The following PNPLA7 variants were observed in gnomAD, a reference collection of about 807,000 sequenced individuals.
The protein encoded by PNPLA7 is patatin like domain 7, lysophospholipase.
PNPLA7 carries 153 observed loss-of-function variants against 161.7 expected under a neutral mutation model. The observed-to-expected ratio is 0.95, with a 90% CI of 0.83 to 1.08. The LOEUF (loss-of-function observed/expected upper bound fraction) is 1.08, where lower values mean the gene tolerates loss of function less well. PNPLA7 is among the 50% of genes least tolerant of loss of function. The pLI is 0.00. For missense variants in PNPLA7, 1,739 were observed against 1,856.6 expected, an observed-to-expected ratio of 0.94 and a Z score of 1.16; for synonymous variants, 809 against 782.1, an observed-to-expected ratio of 1.03 and a Z score of -0.57.
chr9:137,549,668 G>C (rs1013587882), intron 1 of PNPLA7, among the ~76,000 whole-genome samples: 16 of 151,812 alleles, frequency 1.1e-4, no homozygotes, highest in Admixed American at 7.2e-4. Flanking sequence ...GGTGCCTGTA[G>C]TCCCAGCTAC....
At position 137,467,410 on chromosome 9, in the gene PNPLA7, C is replaced by T. The variant is rs1246955412; in HGVS notation, c.2946G>A (p.Val982=). The T allele has an allele frequency of 1.2e-6, 2 of 1,613,370 alleles. No homozygotes were observed. The highest frequency in any genetic ancestry group is 3.3e-5 in the Admixed American group (2 of 60,014). Residue 982 remains valine (V), a synonymous_variant, in exon 26 of 35, where the codon GTG becomes GTA. Transcript: ENST00000406427. This position sits in a 1 kb window ranked among gnomAD's most constrained non-coding sequence, Gnocchi z 5.1. The part of the protein sequence containing the change: ...LAECGIPVDM[V]GGTSIGAFVG... ...CGAAGGCCCCGATGGACGTGCCTCCCACCATGTCCACAGGGATGCCGCACT... is the reference window on the plus strand; with the variant it reads ...CGAAGGCCCCGATGGACGTGCCTCCTACCATGTCCACAGGGATGCCGCACT...
At chr9:137,515,586 C>G (rs552055887) in intron 11 of PNPLA7, 67 bp from the exon 12 acceptor site, 3 of 1,455,700 alleles carry the variant, frequency 2.1e-6, no homozygotes, top group South Asian at 2.9e-5. Context: ...GCAGCCCATT[C>G]GGGGCCACGC....
chr9:137,494,347 C>T (rs1832923521), intron 19 of PNPLA7, among the ~76,000 whole-genome samples: 1 of 152,134 alleles, frequency 6.6e-6, no homozygotes, highest in Admixed American at 6.5e-5. Flanking sequence ...ACCAAGAAGG[C>T]AGCTGCACGA....
rs201317851 is a variant in PNPLA7, at chr9:137,461,557, C to T, written c.3820G>A (p.Ala1274Thr). The T allele has an allele frequency of 4.3e-6, 7 of 1,612,294 alleles. No homozygotes were observed. The Admixed American group carries it at 5.0e-5, about 12-fold the overall frequency. Residue 1274 changes from alanine (A) to threonine (T), a missense_variant, in exon 33 of 35, where the codon GCC becomes ACC. Ala to Thr is a moderately conservative substitution (Grantham distance 58). This residue lies in a region of PNPLA7 where 703 missense variants were observed against 694.6 expected (regional missense o/e 1.01). Transcript: ENST00000406427. ...TCACCATCCACCATGGCGGGCTTGG[C>T]GGGCTCAATGCGAGACACAATTTCG... ...LAEIVSRIEP[A>T]KPAMVDDESD...
Position 137,549,616 on chromosome 9 carries a change from G to A in PNPLA7, c.30+552C>T, listed in dbSNP as rs573245674. 6.2e-5 allele frequency among the ~76,000 whole-genome samples: 9 copies of A among 146,258 alleles called. No individual in the cohort carries two copies. The East Asian group carries it at 9.9e-4, about 16-fold the overall frequency. ...TCAAGACCAGCCTGGCCAACATGGC[G>A]AAACCCCGTTTCTACTAAGAATACA... On this transcript the variant is annotated intron_variant, in intron 1 of 34. Transcript: ENST00000406427.
chr9:137,517,273 T>C (rs377731762), intron 11 of PNPLA7, among the ~76,000 whole-genome samples: 137 of 48,784 alleles, frequency 2.8e-3, no homozygotes, highest in East Asian at 0.016. Flanking sequence ...ACTCCATCCC[T>C]CACTCACTCA....
At chr9:137,518,014 C>G (rs146860482) in intron 11 of PNPLA7, among the ~76,000 whole-genome samples, 1 of 119,666 alleles carries the variant, frequency 8.4e-6, no homozygotes, top group Non-Finnish European at 1.7e-5. Flanking sequence ...ACTCCATCCC[C>G]CACTCACTCA....
At chr9:137,462,154 G>A (rs373107245) in intron 31 of PNPLA7, 25 bp downstream of exon 31, 6 of 1,549,372 alleles carry the variant, frequency 3.9e-6, no homozygotes, top group Non-Finnish European at 4.4e-6. Context: ...GCCCGCCTCC[G>A]CCGCCGCGGG....
At chr9:137,546,789 GA>G (rs1304964848) in intron 4 of PNPLA7, 40 bp downstream of exon 4, 1 of 1,596,418 alleles carries the variant, frequency 6.3e-7, no homozygotes, top group Non-Finnish European at 8.6e-7. Flanking sequence ...GGGCCTGCTC[GA>G]GGAAGCCGTG....
intron 12 of PNPLA7, among the ~76,000 whole-genome samples, chr9:137,514,815 T>C (rs1428333650): frequency 1.4e-4 from 20 of 146,056 alleles, no homozygotes; most frequent in Non-Finnish European, 1.9e-4. Flanking sequence ...GCCCGGGCCC[T>C]GTGGCTGGGC....
At chr9:137,465,592 G>A (rs1382099487) in intron 26 of PNPLA7, among the ~76,000 whole-genome samples, 3 of 152,226 alleles carry the variant, frequency 2.0e-5, no homozygotes, top group African/African-American at 7.2e-5. Context: ...CACGCTGAAG[G>A]TGACTAGGTG....
At chr9:137,484,539 C>G (rs1286201424) in intron 21 of PNPLA7, 48 bp downstream of exon 21, 2 of 1,521,252 alleles carry the variant, frequency 1.3e-6, no homozygotes, top group Non-Finnish European at 1.8e-6. Context: ...CGCCCTCCAC[C>G]AGGCCCAGAA....
chr9:137,519,766 T>C, intron 11 of PNPLA7, 151 bp downstream of exon 11: 2 of 1,057,968 alleles, frequency 1.9e-6, no homozygotes, highest in Non-Finnish European at 2.6e-6. Context: ...TTGTGGGACT[T>C]GTAGGGTGAC....
chr9:137,491,164 G>T (rs568415840), intron 20 of PNPLA7, among the ~76,000 whole-genome samples: 19 of 152,314 alleles, frequency 1.2e-4, no homozygotes, highest in Middle Eastern at 3.4e-3. Context: ...GAGGCTGAGG[G>T]GGGGGGAATC....
At chr9:137,508,475 G>A (rs1834035232) in intron 12 of PNPLA7, among the ~76,000 whole-genome samples, 1 of 152,042 alleles carries the variant, frequency 6.6e-6, no homozygotes, top group Non-Finnish European at 1.5e-5. Context: ...GCTGAGGCAG[G>A]AGAATTGCTT....
intron 25 of PNPLA7, 150 bp downstream of exon 25, chr9:137,477,884 G>A (rs912168664): frequency 1.5e-5 from 8 of 550,148 alleles, no homozygotes; most frequent in East Asian, 7.0e-5. Context: ...AGGACAGGCC[G>A]GGGTGGAGGC....
At chr9:137,492,506 G>C (rs1271689532) in intron 20 of PNPLA7, among the ~76,000 whole-genome samples, 1 of 136,488 alleles carries the variant, frequency 7.3e-6, no homozygotes, top group South Asian at 2.5e-4. Context: ...GAGGGGCATG[G>C]GCGGGTGGGT....
rs1188376917 is a variant in PNPLA7 at position 137,490,512 on chromosome 9, A to G, written c.2197+2501T>C. Among the ~76,000 whole-genome samples the G allele has an allele frequency of 2.0e-5, 3 of 152,204 alleles. No homozygotes were observed. The highest frequency in any genetic ancestry group is 4.4e-5 in the Non-Finnish European group (3 of 68,042). On this transcript the variant is annotated intron_variant, in intron 20 of 34. Transcript: ENST00000406427. The surrounding 1 kb of genome is among the most constrained non-coding windows in gnomAD (Gnocchi z 4.1). ...CATGAGGAAGTGGCACAAGATTTTT[A>G]AAGTGCTGAAATACTTTGTATTTCT...
At chr9:137,502,632 G>A (rs953139752) in intron 14 of PNPLA7, among the ~76,000 whole-genome samples, 12 of 115,508 alleles carry the variant, frequency 1.0e-4, no homozygotes, top group African/African-American at 3.8e-4. Flanking sequence ...AGAAGAAAGC[G>A]GCCTCCCTGA....
Sources: gnomAD v4.1 joint callset for allele counts (sites outside exome capture counted in the v4.1 genomes callset) on GRCh38, gnomAD v4.1.1 for gene constraint, gnomAD v4.1.1 regional missense constraint, Gnocchi (gnomAD v3.1) non-coding constraint, MANE v1.5 for transcripts, NCBI Gene and HGNC (gene_info 2026-07-23, HGNC 2026-07-21) for gene names.